The following WDR47 variants were observed in gnomAD, a reference collection of about 807,000 sequenced individuals.
WDR47 encodes WD repeat domain 47, also known as WD repeat-containing protein 47.
In WDR47, 32 loss-of-function variants were observed where a neutral mutation model predicts 97.2. The observed-to-expected ratio is 0.33, with a 90% CI of 0.25 to 0.44. WDR47 has a LOEUF of 0.44. Ranked by LOEUF, WDR47 falls within the 20% of genes least tolerant of loss-of-function variation. WDR47 has a pLI of 1.00. For missense variants in WDR47, 782 were observed against 1,102.3 expected, an observed-to-expected ratio of 0.71 and a Z score of 4.11; for synonymous variants, 375 against 373.5, an observed-to-expected ratio of 1.00 and a Z score of -0.05.
chr1:108,999,929 T>C (rs1181077476), intron 7 of WDR47, among the ~76,000 whole-genome samples: 2 of 152,090 alleles, frequency 1.3e-5, no homozygotes, highest in Middle Eastern at 3.2e-3. Flanking sequence ...AAACCAGAAA[T>C]GGCAATTCAT....
At chr1:109,025,406 G>A (rs1413225334) in intron 1 of WDR47, among the ~76,000 whole-genome samples, 1 of 140,626 alleles carries the variant, frequency 7.1e-6, no homozygotes, top group African/African-American at 2.7e-5. Flanking sequence ...ACTCCAGCCT[G>A]GGCGGTAGCG....
At chr1:109,040,035 C>CT (rs1375553728) in intron 1 of WDR47, among the ~76,000 whole-genome samples, 50 of 51,144 alleles carry the variant, frequency 9.8e-4, no homozygotes, top group African/African-American at 3.7e-3. Flanking sequence ...GACTCCGTCT[C>CT]AAAAAAAAAA....
chr1:108,996,967 T>A (rs1414493324), intron 7 of WDR47, among the ~76,000 whole-genome samples: 1 of 151,798 alleles, frequency 6.6e-6, no homozygotes, highest in East Asian at 1.9e-4. Context: ...AATACAAGAA[T>A]TAGCCAAGCA....
intron 6 of WDR47, 102 bp from the exon 7 acceptor site, chr1:109,002,504 A>G: frequency 1.1e-6 from 1 of 949,136 alleles, no homozygotes; most frequent in Non-Finnish European, 1.5e-6. Context: ...ACAATTAGCT[A>G]TATTTAACAA....
chr1:109,022,141 C>A (rs1381846749), intron 2 of WDR47, among the ~76,000 whole-genome samples: 2 of 152,102 alleles, frequency 1.3e-5, no homozygotes, highest in African/African-American at 4.8e-5. Flanking sequence ...AGTCACCATG[C>A]CCAGCCTGAA....
intron 1 of WDR47, among the ~76,000 whole-genome samples, chr1:109,026,395 T>C (rs1371964654): frequency 6.6e-6 from 1 of 151,840 alleles, no homozygotes; most frequent in East Asian, 1.9e-4. Context: ...CATTAAATTC[T>C]GATCATATCA....
chr1:108,995,530 C>A, intron 8 of WDR47, 50 bp downstream of exon 8: 3 of 1,598,320 alleles, frequency 1.9e-6, no homozygotes, highest in Non-Finnish European at 2.6e-6. Context: ...AACCTTCTAA[C>A]CATTAGTAGT....
rs189439455 is a variant in WDR47, at chr1:108,979,057, A to C, written c.2398+2676T>G. 3.8e-3 allele frequency among the ~76,000 whole-genome samples: 585 copies of C among 152,322 alleles called. 7 individuals are homozygous for C. The highest frequency in any genetic ancestry group is 6.5e-3 in the Non-Finnish European group (445 of 68,030). On this transcript the variant is annotated intron_variant, in intron 13 of 14. Transcript: ENST00000369962. ...AATTCCATAAAATGTTTGTATGTGC[A>C]TGATAGAGAAGCAGAGGAGGAGAGA...
At chr1:109,006,836 T>A (rs1464657365) in intron 5 of WDR47, among the ~76,000 whole-genome samples, 2 of 152,222 alleles carry the variant, frequency 1.3e-5, no homozygotes, top group Non-Finnish European at 2.9e-5. Flanking sequence ...AGATATCCTT[T>A]TAAAATATTA....
At chr1:108,986,282 G>A (rs774256613) in intron 10 of WDR47, among the ~76,000 whole-genome samples, 1 of 151,988 alleles carries the variant, frequency 6.6e-6, no homozygotes, top group Non-Finnish European at 1.5e-5. Context: ...GAAGTCTAAA[G>A]CCATAAATGA....
chr1:109,006,464 C>T (rs984723039), intron 5 of WDR47, among the ~76,000 whole-genome samples: 3 of 152,094 alleles, frequency 2.0e-5, no homozygotes, highest in Non-Finnish European at 4.4e-5. Flanking sequence ...ACAGGAAGTC[C>T]CCTTTTATGT....
intron 4 of WDR47, 141 bp downstream of exon 4, chr1:109,013,700 C>G (rs1380469062): frequency 1.9e-5 from 15 of 776,776 alleles, no homozygotes; most frequent in Middle Eastern, 2.3e-4. Flanking sequence ...AAATACTACA[C>G]CTGGAAAACA....
chr1:109,022,089 C>A (rs1344419383), intron 2 of WDR47, among the ~76,000 whole-genome samples: 1 of 152,116 alleles, frequency 6.6e-6, no homozygotes, highest in Non-Finnish European at 1.5e-5. Context: ...CTCAGGTGAT[C>A]CGCCTGCCTT....
intron 8 of WDR47, chr1:108,992,851 T>C: frequency 7.4e-7 from 1 of 1,349,850 alleles, no homozygotes; most frequent in South Asian, 1.2e-5. Context: ...AGCATTAAAA[T>C]AAATGTAATT....
intron 10 of WDR47, 109 bp from the exon 11 acceptor site, chr1:108,983,560 C>A (rs1658515155): frequency 7.7e-6 from 7 of 906,670 alleles, no homozygotes; most frequent in Non-Finnish European, 1.1e-5. Flanking sequence ...GCGTGTCAGA[C>A]AACAGCTTAT....
intron 1 of WDR47, among the ~76,000 whole-genome samples, chr1:109,031,094 T>C (rs903038789): frequency 7.1e-6 from 1 of 140,230 alleles, no homozygotes; most frequent in Non-Finnish European, 1.6e-5. Flanking sequence ...TAATAAAGTC[T>C]GTTTAATAAG....
In WDR47 at chr1:108,995,783, C is replaced by T; in HGVS notation, c.1488G>A (p.Glu496=). The T allele has an allele frequency of 6.2e-7, 1 of 1,614,084 alleles. No individual in the cohort carries two copies. ...LNIGMDGLGN[E]VSALNQQCNG... Reference sequence around the variant, plus strand: ...TACATTGCTGGTTGAGTGCTGATACCTCATTACCAAGGCCATCCATTCCAA... The same window carrying T: ...TACATTGCTGGTTGAGTGCTGATACTTCATTACCAAGGCCATCCATTCCAA... The change falls in exon 8 of 15, where the codon GAG becomes GAA. Residue 496 remains glutamate (E), a synonymous_variant. Transcript: ENST00000369962.
intron 14 of WDR47, among the ~76,000 whole-genome samples, chr1:108,973,424 G>A (rs1333090706): frequency 6.6e-6 from 1 of 152,086 alleles, no homozygotes; most frequent in African/African-American, 2.4e-5. Context: ...CTCCATCAGG[G>A]AGGGAATTAA....
intron 7 of WDR47, 77 bp downstream of exon 7, chr1:109,002,147 T>A (rs539804830): frequency 2.1e-6 from 3 of 1,424,994 alleles, no homozygotes; most frequent in Admixed American, 4.8e-5. Flanking sequence ...AAACTATACA[T>A]AGAAAGTAGC....
Sources: allele counts gnomAD v4.1 joint callset (sites outside exome capture counted in the v4.1 genomes callset), GRCh38; gene constraint gnomAD v4.1.1; transcripts MANE v1.5; gene names NCBI Gene and HGNC (gene_info 2026-07-23, HGNC 2026-07-21).